CADPS2: variants seen among roughly 807,000 people sequenced by gnomAD.
The protein encoded by CADPS2 is calcium-dependent secretion activator 2.
In CADPS2, 93 loss-of-function variants were observed where a neutral mutation model predicts 172.5. The observed-to-expected ratio is 0.54, with a 90% CI of 0.46 to 0.64. The LOEUF (loss-of-function observed/expected upper bound fraction) is 0.64, where lower values mean the gene tolerates loss of function less well. Ranked by LOEUF, CADPS2 falls within the 30% of genes least tolerant of loss-of-function variation. The probability of loss-of-function intolerance (pLI) is 0.00; values close to 1 mark genes in which losing one functional copy is unlikely to be tolerated. For missense variants in CADPS2, 1,420 were observed against 1,565.9 expected, an observed-to-expected ratio of 0.91 and a Z score of 1.57; for synonymous variants, 546 against 555.2, an observed-to-expected ratio of 0.98 and a Z score of 0.23.
chr7:122,708,486 A>ATT (rs2087999124), intron 2 of CADPS2, among the ~76,000 whole-genome samples: 1 of 105,158 alleles, frequency 9.5e-6, no homozygotes, highest in Non-Finnish European at 2.0e-5. Context: ...ATATATATAT[A>ATT]TTGGATATGT....
chr7:122,505,620 T>C (rs905936305), intron 9 of CADPS2, among the ~76,000 whole-genome samples: 1 of 151,816 alleles, frequency 6.6e-6, no homozygotes, highest in Non-Finnish European at 1.5e-5. Context: ...TAACAAAGAG[T>C]ACAGATGGAA....
chr7:122,428,964 A>C (rs541991907), intron 17 of CADPS2, among the ~76,000 whole-genome samples: 11 of 152,284 alleles, frequency 7.2e-5, no homozygotes, highest in African/African-American at 2.6e-4. Flanking sequence ...AGTTATTCAG[A>C]GTTGGCTATT....
At chr7:122,866,810 CTT>C (rs1256395637) in intron 1 of CADPS2, among the ~76,000 whole-genome samples, 2 of 152,174 alleles carry the variant, frequency 1.3e-5, no homozygotes, top group Non-Finnish European at 2.9e-5. Context: ...TTTCCTGAAA[CTT>C]TTGAAAACCT....
At chr7:122,593,267 C>G (rs1180711200) in intron 6 of CADPS2, among the ~76,000 whole-genome samples, 1 of 151,840 alleles carries the variant, frequency 6.6e-6, no homozygotes, top group Non-Finnish European at 1.5e-5. Flanking sequence ...GATACAAATA[C>G]TACAAATTTA....
At chr7:122,839,117 T>C (rs1809548326) in intron 1 of CADPS2, among the ~76,000 whole-genome samples, 2 of 151,982 alleles carry the variant, frequency 1.3e-5, no homozygotes. Flanking sequence ...CCCTCAGAAA[T>C]AATACCACAC....
At chr7:122,513,737 G>C (rs568697579) in intron 8 of CADPS2, among the ~76,000 whole-genome samples, 2 of 152,302 alleles carry the variant, frequency 1.3e-5, no homozygotes, top group South Asian at 2.1e-4. Flanking sequence ...CAAGAATCCA[G>C]GGTGAAGGGT....
intron 8 of CADPS2, among the ~76,000 whole-genome samples, chr7:122,545,449 T>C (rs1022712087): frequency 4.6e-5 from 7 of 152,094 alleles, no homozygotes; most frequent in African/African-American, 1.7e-4. Context: ...GGAGTTCGTG[T>C]TGGGTATAAA....
chr7:122,416,158 A>G lies in CADPS2; in HGVS notation c.2483T>C (p.Met828Thr). 6.5e-7 allele frequency: 1 copy of G among 1,534,746 alleles called. No homozygotes were observed. Among genetic ancestry groups the G allele is most frequent in the Non-Finnish European group, 8.8e-7 (1 of 1,132,896 alleles). The change falls in exon 18 of 30, where the codon ATG (methionine) becomes ACG (threonine). Residue 828 changes from methionine to threonine, a missense_variant. Met to Thr is a moderately conservative substitution (Grantham distance 81). Coordinates refer to ENST00000449022, the MANE Select transcript of CADPS2 (RefSeq NM_017954.11). ...LTEYAKIEET[M>T]NQASPARKLE... ...CTTTCTAGCAGGAGATGCCTGGTTCATGGTCTCTATATGAAAAAAAATCAT... is the reference window on the plus strand; with the variant it reads ...CTTTCTAGCAGGAGATGCCTGGTTCGTGGTCTCTATATGAAAAAAAATCAT...
chr7:122,470,865 A>G (rs1241733068), intron 14 of CADPS2, among the ~76,000 whole-genome samples: 1 of 152,190 alleles, frequency 6.6e-6, no homozygotes, highest in Non-Finnish European at 1.5e-5. Flanking sequence ...TTTTTATGGC[A>G]TCTTGGTAAA....
Position 122,393,425 on chromosome 7 carries a change from T to G in CADPS2, c.2888+16A>C. 1 of 1,613,704 alleles carries G rather than the reference T, an allele frequency of 6.2e-7. No homozygotes were observed. The highest frequency in any genetic ancestry group is 1.1e-5 in the South Asian group (1 of 91,064). On this transcript the variant is annotated intron_variant, in intron 21 of 29. Transcript: ENST00000449022. ...GAAGAGGCAGGTGCTCTACGGACACTAGGTAAGATACCTACTTGACAGGCT... is the reference window on the plus strand; with the variant it reads ...GAAGAGGCAGGTGCTCTACGGACACGAGGTAAGATACCTACTTGACAGGCT...
intron 2 of CADPS2, among the ~76,000 whole-genome samples, chr7:122,669,209 TG>T (rs2081504230): frequency 6.6e-6 from 1 of 152,052 alleles, no homozygotes; most frequent in Admixed American, 6.6e-5. Context: ...CACATGCCTG[TG>T]CTCCTAGCTA....
chr7:122,732,830 A>AT (rs1562885762), intron 2 of CADPS2, among the ~76,000 whole-genome samples: 4 of 138,658 alleles, frequency 2.9e-5, no homozygotes, highest in African/African-American at 1.1e-4. Flanking sequence ...TATTATATAT[A>AT]ATATACATTA....
chr7:122,451,266 C>T (rs2053065330), intron 15 of CADPS2, 108 bp downstream of exon 15: 2 of 479,158 alleles, frequency 4.2e-6, no homozygotes, highest in South Asian at 5.2e-5. Context: ...GGGAGGGCTA[C>T]TGATGATCTT....
chr7:122,463,149 TA>T (rs1194431657), intron 14 of CADPS2, among the ~76,000 whole-genome samples: 8 of 151,158 alleles, frequency 5.3e-5, no homozygotes, highest in South Asian at 4.2e-4. Context: ...AGAATACATA[TA>T]TTTTTTTTTA....
chr7:122,588,857 G>A, intron 6 of CADPS2, among the ~76,000 whole-genome samples: 1 of 151,934 alleles, frequency 6.6e-6, no homozygotes, highest in Non-Finnish European at 1.5e-5. Context: ...AACTCATTAT[G>A]ATGAATCAAG....
Position 122,698,994 on chromosome 7 carries a change from G to A in CADPS2, c.454-35425C>T, listed in dbSNP as rs576187735. On this transcript the variant is annotated intron_variant, in intron 2 of 29. Coordinates refer to ENST00000449022, the MANE Select transcript of CADPS2 (RefSeq NM_017954.11). ...TTGACAATTAATTTAAAATAACGAA[G>A]AGAAAAAAATCTTCAGGATACAAAC... The A allele has an allele frequency of 9.2e-6, 10 of 1,092,634 alleles. No homozygotes were observed. In the African/African-American group the frequency reaches 9.5e-5, roughly 10 times the overall value. 67.7% of individuals were successfully genotyped at this position (1,092,634 alleles called of 1,614,324 possible).
chr7:122,393,265 A>C lies in CADPS2; in HGVS notation c.2939T>G (p.Leu980Arg). The C allele has an allele frequency of 6.2e-7, 1 of 1,613,892 alleles. No homozygotes were observed. Among genetic ancestry groups the C allele is most frequent in the Non-Finnish European group, 8.5e-7 (1 of 1,179,804 alleles). The change falls in exon 22 of 30, where the codon CTG (leucine) becomes CGG (arginine). Residue 980 changes from leucine (L) to arginine (R), a missense_variant. Leu to Arg is a moderately radical substitution (Grantham distance 102, BLOSUM62 -2). Coordinates refer to ENST00000449022, the MANE Select transcript of CADPS2 (RefSeq NM_017954.11). ...AGGAATCTGTGGAAGATTAAGAGGC[A>C]GACTTGGAACTTTTGGAAGAGCTAC... The part of the protein sequence containing the change: ...PNVALPKVPS[L>R]PLNLPQIPNI...
chr7:122,337,727 G>A (rs189555890), intron 28 of CADPS2, among the ~76,000 whole-genome samples: 1 of 146,950 alleles, frequency 6.8e-6, no homozygotes, highest in Admixed American at 6.9e-5. Context: ...TAATTCGAGA[G>A]CAGAGGTTTT....
In CADPS2 at chr7:122,743,859, A is replaced by G. The variant is rs187895454; in HGVS notation, c.340-6791T>C. ...CAGTGTCTTCCATGTTTTTGAAATAACAATGCATCCCAAGCTGTATATCAG... is the reference window on the plus strand; with the variant it reads ...CAGTGTCTTCCATGTTTTTGAAATAGCAATGCATCCCAAGCTGTATATCAG... On this transcript the variant is annotated intron_variant, in intron 1 of 29. Transcript: ENST00000449022. Among the ~76,000 whole-genome samples, 2 of 152,258 alleles carry G rather than the reference A, an allele frequency of 1.3e-5. 1 individual carries two copies. The highest frequency in any genetic ancestry group is 1.3e-4 in the Admixed American group (2 of 15,288).
Sources: allele counts gnomAD v4.1 joint callset (sites outside exome capture counted in the v4.1 genomes callset), GRCh38; gene constraint gnomAD v4.1.1; transcripts MANE v1.5; gene names NCBI Gene and HGNC (gene_info 2026-07-23, HGNC 2026-07-21).